The following ARHGAP42 variants were observed in gnomAD, a reference collection of about 807,000 sequenced individuals.
ARHGAP42 encodes Rho GTPase activating protein 42, also known as rho GTPase-activating protein 42.
In ARHGAP42, 63 loss-of-function variants were observed where a neutral mutation model predicts 125.0. The observed-to-expected ratio is 0.50, with a 90% confidence interval of 0.41 to 0.62. The LOEUF (loss-of-function observed/expected upper bound fraction) is 0.62, where lower values mean the gene tolerates loss of function less well. Ranked by LOEUF, ARHGAP42 falls within the 20% of genes least tolerant of loss-of-function variation. The pLI, the probability that ARHGAP42 is intolerant of heterozygous loss-of-function variation, is 0.00. For synonymous variants in ARHGAP42, 339 were observed against 351.0 expected (o/e 0.97, Z 0.38); for missense variants, 766 against 1,024.2 (o/e 0.75, Z 3.44).
Position 100,989,176 on chromosome 11 carries a change from C to G in ARHGAP42, c.*375C>G, listed in dbSNP as rs1164502837. The stretch of plus-strand genomic sequence containing the variant: ...GGATTTTGAGATCTGTCCTTTACTG[C>G]CTGGCATTCTCTGAGGATCTCTGAA... On this transcript the variant is annotated 3_prime_UTR_variant, in exon 24 of 24. Coordinates refer to ENST00000298815, the MANE Select transcript of ARHGAP42 (RefSeq NM_152432.4). 2.5e-6 allele frequency: 1 copy of G among 398,640 alleles called. No homozygotes were observed. Among genetic ancestry groups the G allele is most frequent in the Non-Finnish European group, 4.4e-6 (1 of 226,294 alleles). The allele number at this position is 398,640 out of a possible 1,614,324, so 24.7% of individuals were successfully genotyped here. A position where few individuals can be genotyped will look rare whatever the true frequency, so the allele number is the denominator to read the frequency against.
intron 4 of ARHGAP42, among the ~76,000 whole-genome samples, chr11:100,874,500 C>T (rs564171891): frequency 3.3e-5 from 5 of 152,262 alleles, no homozygotes; most frequent in East Asian, 3.9e-4. Flanking sequence ...GTGGACACCT[C>T]GGGCCTGTGT....
At chr11:100,958,176 A>G (rs1034104873) in intron 12 of ARHGAP42, among the ~76,000 whole-genome samples, 2 of 151,976 alleles carry the variant, frequency 1.3e-5, no homozygotes, top group African/African-American at 4.8e-5. Context: ...TCACTTTTCC[A>G]TCTTACCTGT....
At chr11:100,986,634 G>A (rs917153306) in intron 22 of ARHGAP42, among the ~76,000 whole-genome samples, 1 of 152,152 alleles carries the variant, frequency 6.6e-6, no homozygotes, top group Non-Finnish European at 1.5e-5. Context: ...AACCAGGTTG[G>A]AAATGCTATT....
At chr11:100,801,257 A>G (rs1236675816) in intron 3 of ARHGAP42, among the ~76,000 whole-genome samples, 1 of 152,176 alleles carries the variant, frequency 6.6e-6, no homozygotes, top group Non-Finnish European at 1.5e-5. Context: ...TGGGGAGAAG[A>G]ATATTTTTAG....
At chr11:100,689,313 G>A (rs963015620) in intron 1 of ARHGAP42, among the ~76,000 whole-genome samples, 4 of 152,074 alleles carry the variant, frequency 2.6e-5, no homozygotes, top group African/African-American at 2.4e-5. Context: ...AAAGTCTCGC[G>A]GGACTAACCT....
Position 100,976,914 on chromosome 11 carries a change from G to A in ARHGAP42, c.2336G>A (p.Cys779Tyr). 1 of 1,551,516 alleles carries A rather than the reference G, an allele frequency of 6.4e-7. No individual in the cohort carries two copies. Among genetic ancestry groups the A allele is most frequent in the East Asian group, 2.4e-5 (1 of 40,924 alleles). Residue 779 changes from cysteine to tyrosine, a missense_variant, in exon 21 of 24, where the codon TGC becomes TAC. Physicochemically the swap from Cys to Tyr is radical, Grantham distance 194. This residue lies in a region of ARHGAP42 where 308 missense variants were observed against 369.7 expected (regional missense o/e 0.83). Coordinates refer to ENST00000298815, the MANE Select transcript of ARHGAP42 (RefSeq NM_152432.4). Reference sequence around the variant, plus strand: ...AACCCAGACCTGCCTCCGAAAATGTGCAGGAGATTAAGACTAGACACTGCC... The same window carrying A: ...AACCCAGACCTGCCTCCGAAAATGTACAGGAGATTAAGACTAGACACTGCC... Reference protein sequence around the residue: ...SPNPDLPPKMCRRLRLDTASS... With the variant: ...SPNPDLPPKMYRRLRLDTASS...
chr11:100,771,495 A>G (rs939672187), intron 2 of ARHGAP42, among the ~76,000 whole-genome samples: 3 of 152,170 alleles, frequency 2.0e-5, no homozygotes, highest in Non-Finnish European at 2.9e-5. Context: ...ATTTTAGAGG[A>G]TATTACTAAG....
intron 1 of ARHGAP42, among the ~76,000 whole-genome samples, chr11:100,747,946 A>G (rs926023689): frequency 2.0e-5 from 3 of 152,082 alleles, no homozygotes; most frequent in Non-Finnish European, 2.9e-5. Flanking sequence ...AGAATTTACC[A>G]TATAACATTC....
chr11:100,863,892 A>G (rs1865506941), intron 4 of ARHGAP42, among the ~76,000 whole-genome samples: 1 of 152,222 alleles, frequency 6.6e-6, no homozygotes, highest in South Asian at 2.1e-4. Flanking sequence ...TGTCAACTCT[A>G]TGAATTTCCA....
rs1858766091 is a variant in ARHGAP42 at position 100,989,182 on chromosome 11, A to G, written c.*381A>G. The G allele has an allele frequency of 5.0e-6, 2 of 398,644 alleles. No homozygotes were observed. Among genetic ancestry groups the G allele is most frequent in the Non-Finnish European group, 4.4e-6 (1 of 226,202 alleles). The allele number at this position is 398,644 out of a possible 1,614,324, so 24.7% of individuals were successfully genotyped here. Reference sequence around the variant, plus strand: ...TGAGATCTGTCCTTTACTGCCTGGCATTCTCTGAGGATCTCTGAAATTGTT... The same window carrying G: ...TGAGATCTGTCCTTTACTGCCTGGCGTTCTCTGAGGATCTCTGAAATTGTT... On this transcript the variant is annotated 3_prime_UTR_variant, in exon 24 of 24. Coordinates refer to ENST00000298815, the MANE Select transcript of ARHGAP42 (RefSeq NM_152432.4).
intron 6 of ARHGAP42, among the ~76,000 whole-genome samples, chr11:100,921,947 T>C (rs1486895710): frequency 6.7e-6 from 1 of 148,404 alleles, no homozygotes; most frequent in African/African-American, 2.5e-5. Flanking sequence ...AAATGCAAGA[T>C]GCTAATAAGA....
At position 100,786,721 on chromosome 11, in the gene ARHGAP42, A is replaced by G. The variant is rs144289846; in HGVS notation, c.251-8384A>G. Among the ~76,000 whole-genome samples the G allele has an allele frequency of 1.8e-4, 28 of 152,316 alleles. No individual in the cohort carries two copies. The East Asian group carries it at 5.4e-3, about 29-fold the overall frequency. Reference sequence around the variant, plus strand: ...TGACTTTCACCCTGGAGTCATCATAATTATGACTAATTTTCATAGTTAATG... The same window carrying G: ...TGACTTTCACCCTGGAGTCATCATAGTTATGACTAATTTTCATAGTTAATG... On this transcript the variant is annotated intron_variant, in intron 2 of 23. Coordinates refer to ENST00000298815, the MANE Select transcript of ARHGAP42 (RefSeq NM_152432.4).
intron 4 of ARHGAP42, among the ~76,000 whole-genome samples, chr11:100,903,709 A>AAAAAAAAAAATATAT (rs1332890022): frequency 1.6e-5 from 1 of 63,504 alleles, no homozygotes; most frequent in African/African-American, 6.8e-5. Context: ...TGTCCCTCAA[A>AAAAAAAAAAATATAT]ATATATATAT....
intron 15 of ARHGAP42, among the ~76,000 whole-genome samples, chr11:100,962,131 A>G (rs1857970449): frequency 6.6e-6 from 1 of 151,946 alleles, no homozygotes; most frequent in Admixed American, 6.6e-5. Context: ...TGGTAAGGTA[A>G]TTCTGATATT....
chr11:100,891,871 G>C (rs1382965486), intron 4 of ARHGAP42, among the ~76,000 whole-genome samples: 1 of 152,168 alleles, frequency 6.6e-6, no homozygotes, highest in Non-Finnish European at 1.5e-5. Context: ...GATCTAATGT[G>C]GAAGTCCAGT....
chr11:100,799,393 T>C (rs1273433223), intron 3 of ARHGAP42, among the ~76,000 whole-genome samples: 3 of 152,228 alleles, frequency 2.0e-5, no homozygotes, highest in Non-Finnish European at 4.4e-5. Flanking sequence ...AGAAAGGTTT[T>C]CTGTGAAGGT....
chr11:100,715,736 A>T (rs1217970466), intron 1 of ARHGAP42, among the ~76,000 whole-genome samples: 1 of 152,144 alleles, frequency 6.6e-6, no homozygotes, highest in Non-Finnish European at 1.5e-5. Flanking sequence ...TCTGAGATTG[A>T]TATTGGTGTG....
intron 1 of ARHGAP42, among the ~76,000 whole-genome samples, chr11:100,733,369 GA>G (rs76286186): frequency 0.13 from 20,106 of 152,212 alleles, 1,552 homozygotes; most frequent in East Asian, 0.26. Flanking sequence ...ACATGACAAA[GA>G]TTTTTTGAGT....
At chr11:100,820,853 T>G (rs1481378379) in intron 3 of ARHGAP42, among the ~76,000 whole-genome samples, 1 of 152,172 alleles carries the variant, frequency 6.6e-6, no homozygotes, top group Non-Finnish European at 1.5e-5. Flanking sequence ...AGGTTCATTT[T>G]ATGATTTCTA....
Sources: allele counts gnomAD v4.1 joint callset (sites outside exome capture counted in the v4.1 genomes callset), GRCh38; gene constraint gnomAD v4.1.1; regional missense constraint gnomAD v4.1.1; transcripts MANE v1.5; gene names NCBI Gene and HGNC (gene_info 2026-07-23, HGNC 2026-07-21).